IL12RB2: variants seen among roughly 807,000 people sequenced by gnomAD.
IL12RB2 encodes interleukin 12 receptor subunit beta 2.
Under a neutral mutation model 89.4 loss-of-function variants are expected in IL12RB2, and 82 were observed. The ratio of observed to expected loss-of-function variants is 0.92; its 90% CI spans 0.77 to 1.10. The LOEUF is 1.10. Ranked by LOEUF, IL12RB2 falls within the 50% of genes least tolerant of loss-of-function variation. IL12RB2 has a pLI of 0.00. For synonymous variants in IL12RB2, 368 were observed against 370.1 expected (o/e 0.99, Z 0.07); for missense variants, 963 against 1,031.9 (o/e 0.93, Z 0.92).
At chr1:67,381,441 T>C (rs557159300) in intron 14 of IL12RB2, among the ~76,000 whole-genome samples, 5 of 152,158 alleles carry the variant, frequency 3.3e-5, no homozygotes, top group Non-Finnish European at 7.3e-5. Flanking sequence ...TTGACAAGAC[T>C]TCTTCTTATC....
chr1:67,333,942 T>G (rs1459855210), intron 8 of IL12RB2, among the ~76,000 whole-genome samples: 1 of 152,218 alleles, frequency 6.6e-6, no homozygotes, highest in Non-Finnish European at 1.5e-5. Flanking sequence ...TTAAAAAGTC[T>G]TATTTGCAGT....
intron 16 of IL12RB2, 99 bp from the exon 17 acceptor site, chr1:67,395,448 A>T: frequency 6.2e-7 from 1 of 1,608,732 alleles, no homozygotes; most frequent in South Asian, 1.1e-5. Flanking sequence ...AGGGCTGAGG[A>T]GACAGTGCAG....
rs1179774666 is a variant in IL12RB2, at chr1:67,386,872, TTATATATATATATATATATA to T, written c.1946+229_1946+248del. Among the ~76,000 whole-genome samples the T allele has an allele frequency of 1.0e-3, 49 of 48,468 alleles. 1 individual carries two copies. Among genetic ancestry groups the T allele is most frequent in the East Asian group, 2.9e-3 (5 of 1,724 alleles). 31.8% of individuals were successfully genotyped at this position (48,468 alleles called of 152,430 possible). A position where few individuals can be genotyped will look rare whatever the true frequency, so the allele number is the denominator to read the frequency against. On this transcript the variant is annotated intron_variant, in intron 15 of 16. Coordinates refer to ENST00000674203, the MANE Select transcript of IL12RB2 (RefSeq NM_001374259.2). ...AACAATCTCTAACTAGAAATGTATT[TTATATATATATATATATATA>T]TATATATATATATATATATATATAT...
At chr1:67,327,802 A>G (rs1221667312) in intron 5 of IL12RB2, among the ~76,000 whole-genome samples, 6 of 152,346 alleles carry the variant, frequency 3.9e-5, no homozygotes, top group African/African-American at 7.2e-5. Context: ...TTAGGGTAAA[A>G]TAGCCCAGGA....
intron 13 of IL12RB2, among the ~76,000 whole-genome samples, chr1:67,375,730 T>C (rs1663889039): frequency 6.6e-6 from 1 of 151,694 alleles, no homozygotes; most frequent in Non-Finnish European, 1.5e-5. Context: ...CCCAGGTATC[T>C]GGATTGTAAT....
At chr1:67,380,446 T>C (rs1317199312) in intron 14 of IL12RB2, among the ~76,000 whole-genome samples, 1 of 152,232 alleles carries the variant, frequency 6.6e-6, no homozygotes, top group African/African-American at 2.4e-5. Context: ...GATATCTGTT[T>C]ACCTCTGTCT....
chr1:67,383,974 A>G (rs1379044375), intron 14 of IL12RB2, among the ~76,000 whole-genome samples: 1 of 152,204 alleles, frequency 6.6e-6, no homozygotes, highest in Non-Finnish European at 1.5e-5. Context: ...AACTGCCTTC[A>G]CAGCTGGCAT....
chr1:67,331,826 G>A (rs911233102), intron 8 of IL12RB2, among the ~76,000 whole-genome samples: 8 of 151,204 alleles, frequency 5.3e-5, no homozygotes, highest in African/African-American at 1.2e-4. Flanking sequence ...GCAACAGATC[G>A]AGACTGCATC....
At chr1:67,338,284 G>A (rs1451022589) in intron 8 of IL12RB2, among the ~76,000 whole-genome samples, 5 of 129,918 alleles carry the variant, frequency 3.8e-5, no homozygotes, top group South Asian at 2.6e-4. Flanking sequence ...AGCTGAGATC[G>A]TGCCACTGCA....
intron 13 of IL12RB2, 137 bp downstream of exon 13, chr1:67,372,920 G>A: frequency 5.5e-6 from 4 of 731,068 alleles, no homozygotes; most frequent in East Asian, 5.0e-5. Flanking sequence ...ATAAATACTT[G>A]TAAAGTTAAC....
rs1488119737 is a variant in IL12RB2 at position 67,350,887 on chromosome 1, G to A, written c.1056G>A (p.Glu352=). The A allele has an allele frequency of 1.2e-6, 2 of 1,614,012 alleles. No homozygotes were observed. Among genetic ancestry groups the A allele is most frequent in the East Asian group, 2.2e-5 (1 of 44,878 alleles). ...TGTTGCAGAATCTGAGTGTCTCAGAGGCAAGAGGAAAAATTCTCCACTATC... is the reference window on the plus strand; with the variant it reads ...TGTTGCAGAATCTGAGTGTCTCAGAAGCAAGAGGAAAAATTCTCCACTATC... ...SLFWKNLSVS[E]ARGKILHYQV... Residue 352 remains glutamate (E), a synonymous_variant, in exon 10 of 17, where the codon GAG becomes GAA. Coordinates refer to ENST00000674203, the MANE Select transcript of IL12RB2 (RefSeq NM_001374259.2).
In IL12RB2 at chr1:67,397,369, G is replaced by T. The variant is rs1358463021; in HGVS notation, c.*1280G>T. ...CTTGTTTCCTCTCCTTTTTGCTGCA[G>T]CAGGCCCTGCCTTCAGGACCAGGGC... On this transcript the variant is annotated 3_prime_UTR_variant, in exon 17 of 17. Transcript: ENST00000674203. Among the ~76,000 whole-genome samples, 1 of 152,032 alleles carries T rather than the reference G, an allele frequency of 6.6e-6. No individual in the cohort carries two copies. The highest frequency in any genetic ancestry group is 6.5e-5 in the Admixed American group (1 of 15,272).
intron 10 of IL12RB2, among the ~76,000 whole-genome samples, chr1:67,355,284 T>G (rs1661262692): frequency 6.6e-6 from 1 of 151,234 alleles, no homozygotes; most frequent in African/African-American, 2.4e-5. Flanking sequence ...TGTGGTAGTG[T>G]GCGCCTGTAG....
At position 67,328,219 on chromosome 1, in the gene IL12RB2, T is replaced by G. The variant is rs777564401; in HGVS notation, c.499T>G (p.Leu167Val). The G allele has an allele frequency of 1.2e-5, 20 of 1,614,108 alleles. No individual in the cohort carries two copies. The highest frequency in any genetic ancestry group is 1.7e-5 in the Non-Finnish European group (20 of 1,179,954). ...TTACAGGCTAAGTGGACCAAAAAATTTAACCTGGCAGAAGCAATGTAAAGA... is the reference window on the plus strand; with the variant it reads ...TTACAGGCTAAGTGGACCAAAAAATGTAACCTGGCAGAAGCAATGTAAAGA... ...YTLQLSGPKNLTWQKQCKDIY... is the reference protein window; with the variant it reads ...YTLQLSGPKNVTWQKQCKDIY... The change falls in exon 6 of 17, where the codon TTA (leucine) becomes GTA (valine). Residue 167 changes from leucine (L) to valine (V), a missense_variant. Transcript: ENST00000674203.
intron 10 of IL12RB2, among the ~76,000 whole-genome samples, chr1:67,359,187 TG>T (rs1310028112): frequency 6.6e-6 from 1 of 152,048 alleles, no homozygotes; most frequent in Non-Finnish European, 1.5e-5. Context: ...ATATACAACA[TG>T]CACTCCAAAA....
intron 3 of IL12RB2, among the ~76,000 whole-genome samples, chr1:67,320,817 G>A (rs1245028542): frequency 6.6e-6 from 1 of 151,718 alleles, no homozygotes; most frequent in Non-Finnish European, 1.5e-5. Context: ...TATACATTGT[G>A]CCATGGTGGT....
At chr1:67,316,421 AGTGTGTGTGT>A (rs71062410) in intron 2 of IL12RB2, among the ~76,000 whole-genome samples, 2 of 146,148 alleles carry the variant, frequency 1.4e-5, no homozygotes, top group South Asian at 2.3e-4. Flanking sequence ...TCCCCAGAGT[AGTGTGTGTGT>A]GTGTGTGTGT....
At chr1:67,387,604 T>C (rs1665343256) in intron 15 of IL12RB2, among the ~76,000 whole-genome samples, 1 of 145,824 alleles carries the variant, frequency 6.9e-6, no homozygotes, top group Non-Finnish European at 1.5e-5. Context: ...CTCAGGAGGC[T>C]AAGGCAGGAG....
intron 9 of IL12RB2, among the ~76,000 whole-genome samples, chr1:67,344,962 C>T (rs1660053263): frequency 6.6e-6 from 1 of 152,140 alleles, no homozygotes; most frequent in South Asian, 2.1e-4. Flanking sequence ...GTGGGAGGAT[C>T]ACCTGAGGTC....
Sources: allele counts gnomAD v4.1 joint callset (sites outside exome capture counted in the v4.1 genomes callset), GRCh38; gene constraint gnomAD v4.1.1; transcripts MANE v1.5; gene names NCBI Gene and HGNC (gene_info 2026-07-23, HGNC 2026-07-21).